Variants in CAMTA1 observed in about 807,000 individuals in gnomAD.
The protein encoded by CAMTA1 is calmodulin-binding transcription activator 1.
Under a neutral mutation model 170.9 loss-of-function variants are expected in CAMTA1, and 27 were observed. The ratio of observed to expected loss-of-function variants is 0.16; its 90% CI spans 0.12 to 0.22. The LOEUF (loss-of-function observed/expected upper bound fraction) is 0.22. CAMTA1 is among the 10% of genes least tolerant of loss of function. The pLI is 1.00. For synonymous variants in CAMTA1, 833 were observed against 891.5 expected, an observed-to-expected ratio of 0.93 and a Z score of 1.17; for missense variants, 1,619 against 2,217.2, an observed-to-expected ratio of 0.73 and a Z score of 5.42.
chr1:7,222,762 G>A (rs1346544869), intron 4 of CAMTA1, among the ~76,000 whole-genome samples: 3 of 152,340 alleles, frequency 2.0e-5, no homozygotes, highest in Admixed American at 1.3e-4. Flanking sequence ...ATGCCCATTG[G>A]TCTTCATGGA....
In CAMTA1 at chr1:7,603,879, T is replaced by C. The variant is rs573950531; in HGVS notation, c.511-36521T>C. ...AGGAGCTCTTTTAGGGCAGGCCTGG[T>C]GGTAACAAAATCTCTCAGCGTTTGC... is the stretch of plus-strand genomic sequence containing the variant. On this transcript the variant is annotated intron_variant, in intron 6 of 22. Coordinates refer to ENST00000303635, the MANE Select transcript of CAMTA1 (RefSeq NM_015215.4). 2.1e-3 allele frequency among the ~76,000 whole-genome samples: 313 copies of C among 152,328 alleles called. 11 individuals carry two copies. The highest frequency in any genetic ancestry group is 0.02 in the Admixed American group (301 of 15,300).
chr1:7,493,968 GCCT>G (rs2093783918), intron 6 of CAMTA1, among the ~76,000 whole-genome samples: 1 of 152,102 alleles, frequency 6.6e-6, no homozygotes, highest in East Asian at 1.9e-4. Context: ...CCACCCGCCG[GCCT>G]CTCCTGCCCA....
At chr1:7,706,889 T>TC (rs1371209235) in intron 11 of CAMTA1, among the ~76,000 whole-genome samples, 33 of 142,788 alleles carry the variant, frequency 2.3e-4, no homozygotes, top group Admixed American at 1.1e-3. Context: ...GGCTATTCTT[T>TC]TTTTTTTTTT....
intron 3 of CAMTA1, among the ~76,000 whole-genome samples, chr1:6,892,600 T>TC (rs1420861016): frequency 2.1e-4 from 31 of 149,138 alleles, no homozygotes; most frequent in African/African-American, 6.3e-4. Flanking sequence ...TTCTTTTCTT[T>TC]TTTTTTTTTT....
At position 7,661,776 on chromosome 1, in the gene CAMTA1, T is replaced by C. The variant is rs767356826; in HGVS notation, c.715T>C (p.Ser239Pro). The change falls in exon 8 of 23, where the codon TCG becomes CCG. Residue 239 changes from serine to proline, a missense_variant. Physicochemically the swap from Ser to Pro is moderately conservative, Grantham distance 74. Coordinates refer to ENST00000303635, the MANE Select transcript of CAMTA1 (RefSeq NM_015215.4). The part of the protein sequence containing the change: ...CSNGNSSSGF[S>P]VEQLVQQILD... ...CAATGGGAACAGCAGCTCAGGCTTC[T>C]CGGTGGAACAGCTGGTGCAGCAGAT... The C allele has an allele frequency of 1.2e-6, 2 of 1,613,944 alleles. No homozygotes were observed. The highest frequency in any genetic ancestry group is 1.7e-6 in the Non-Finnish European group (2 of 1,179,990).
At chr1:7,424,042 G>T (rs1384623983) in intron 5 of CAMTA1, among the ~76,000 whole-genome samples, 2 of 152,142 alleles carry the variant, frequency 1.3e-5, no homozygotes, top group Admixed American at 1.3e-4. Flanking sequence ...CTTGGGGTGA[G>T]GTGCTTGGTG....
At chr1:6,977,678 T>C (rs1693703974) in intron 3 of CAMTA1, among the ~76,000 whole-genome samples, 1 of 152,178 alleles carries the variant, frequency 6.6e-6, no homozygotes, top group African/African-American at 2.4e-5. Flanking sequence ...TCATTTACTC[T>C]TCACAGCAGC....
intron 6 of CAMTA1, among the ~76,000 whole-genome samples, chr1:7,619,252 A>G (rs1301816702): frequency 2.0e-5 from 3 of 152,248 alleles, no homozygotes; most frequent in Non-Finnish European, 2.9e-5. Context: ...AAATTGGCCT[A>G]AGCAATGCAG....
At chr1:7,104,243 CACA>C (rs370020484) in intron 4 of CAMTA1, among the ~76,000 whole-genome samples, 8,598 of 137,618 alleles carry the variant, frequency 0.062, 262 homozygotes, top group African/African-American at 0.088. Context: ...CACGTGTACA[CACA>C]ACACACATAC....
intron 3 of CAMTA1, among the ~76,000 whole-genome samples, chr1:6,968,780 T>TG (rs1444348126): frequency 2.3e-5 from 3 of 130,238 alleles, no homozygotes; most frequent in African/African-American, 9.4e-5. Context: ...GGTGGGGGCT[T>TG]GGGGGAGGCG....
intron 1 of CAMTA1, among the ~76,000 whole-genome samples, chr1:6,800,203 C>T (rs543492570): frequency 1.4e-4 from 22 of 151,998 alleles, no homozygotes; most frequent in African/African-American, 4.6e-4. Flanking sequence ...CCCTGGAGTT[C>T]GAGACCAGCC....
intron 3 of CAMTA1, among the ~76,000 whole-genome samples, chr1:6,829,237 A>G (rs1182512158): frequency 6.6e-6 from 1 of 152,120 alleles, no homozygotes; most frequent in African/African-American, 2.4e-5. Context: ...GAGTTAATAT[A>G]GTCTTAATAT....
At chr1:7,494,217 T>A (rs1349160952) in intron 6 of CAMTA1, among the ~76,000 whole-genome samples, 1 of 151,438 alleles carries the variant, frequency 6.6e-6, no homozygotes, top group East Asian at 1.9e-4. Context: ...TGCTTGCTAT[T>A]CAGGCCCTAG....
chr1:7,635,146 G>T lies in CAMTA1; in HGVS notation c.511-5254G>T, dbSNP rs2095701325. Among the ~76,000 whole-genome samples the T allele has an allele frequency of 6.6e-6, 1 of 152,136 alleles. No homozygotes were observed. Among genetic ancestry groups the T allele is most frequent in the Admixed American group, 6.5e-5 (1 of 15,282 alleles). On this transcript the variant is annotated intron_variant, in intron 6 of 22. Transcript: ENST00000303635. This position sits in a 1 kb window ranked among gnomAD's most constrained non-coding sequence, Gnocchi z 4.4. Reference sequence around the variant, plus strand: ...TCCAAAGGTCACGATCACTTTGGGGGGTGACCCCTAGCATCTCTCATGAAA... The same window carrying T: ...TCCAAAGGTCACGATCACTTTGGGGTGTGACCCCTAGCATCTCTCATGAAA...
chr1:7,352,934 C>T (rs1252464276), intron 5 of CAMTA1, among the ~76,000 whole-genome samples: 1 of 152,206 alleles, frequency 6.6e-6, no homozygotes, highest in Admixed American at 6.5e-5. Flanking sequence ...GGTGCCTCCT[C>T]CTTGGGATTA....
intron 4 of CAMTA1, among the ~76,000 whole-genome samples, chr1:7,174,348 A>G (rs1435904480): frequency 6.6e-6 from 1 of 152,252 alleles, no homozygotes; most frequent in Non-Finnish European, 1.5e-5. Context: ...CGTTCACGAA[A>G]AAAGGTTTGT....
In CAMTA1 at chr1:7,014,816, G is replaced by A. The variant is rs906016708; in HGVS notation, c.235-76488G>A. Reference sequence around the variant, plus strand: ...ACCCTCTCAGACCCTGCAGCATGTCGGGGGCCGGGTGGGGGAGCGGGTGGT... The same window carrying A: ...ACCCTCTCAGACCCTGCAGCATGTCAGGGGCCGGGTGGGGGAGCGGGTGGT... On this transcript the variant is annotated intron_variant, in intron 3 of 22. Coordinates refer to ENST00000303635, the MANE Select transcript of CAMTA1 (RefSeq NM_015215.4). The surrounding 1 kb of genome is among the most constrained non-coding windows in gnomAD (Gnocchi z 4.2). Among the ~76,000 whole-genome samples the A allele has an allele frequency of 1.3e-5, 2 of 152,128 alleles. No individual in the cohort carries two copies. The highest frequency in any genetic ancestry group is 1.9e-4 in the East Asian group (1 of 5,190).
At chr1:7,529,958 G>A (rs953003174) in intron 6 of CAMTA1, among the ~76,000 whole-genome samples, 1 of 152,210 alleles carries the variant, frequency 6.6e-6, no homozygotes, top group African/African-American at 2.4e-5. Context: ...GGCATTCTTG[G>A]AGGGGCATCT....
At chr1:7,639,618 CA>C (rs2095744691) in intron 6 of CAMTA1, among the ~76,000 whole-genome samples, 1 of 152,026 alleles carries the variant, frequency 6.6e-6, no homozygotes, top group African/African-American at 2.4e-5. Flanking sequence ...ACAAAAAATA[CA>C]AAAATTAGCC....
Sources: allele counts gnomAD v4.1 joint callset (sites outside exome capture counted in the v4.1 genomes callset), GRCh38; gene constraint gnomAD v4.1.1; non-coding constraint Gnocchi (gnomAD v3.1); transcripts MANE v1.5; gene names NCBI Gene and HGNC (gene_info 2026-07-23, HGNC 2026-07-21).